Variants in PPP2R1B observed in about 807,000 individuals in gnomAD.
PPP2R1B encodes the protein serine/threonine-protein phosphatase 2A 65 kDa regulatory subunit A beta isoform.
In PPP2R1B, 58 loss-of-function variants were observed where a neutral mutation model predicts 72.7. The ratio of observed to expected loss-of-function variants is 0.80; its 90% CI spans 0.65 to 0.99. PPP2R1B has a LOEUF of 0.99. Among genes scored for constraint, PPP2R1B ranks in the 50% least tolerant of loss-of-function variants. PPP2R1B has a pLI of 0.00. For synonymous variants in PPP2R1B, 256 were observed against 264.6 expected (o/e 0.97, Z 0.32); for missense variants, 695 against 733.6 (o/e 0.95, Z 0.61).
the PPP2R1B span, among the ~76,000 whole-genome samples, chr11:111,714,973 G>A: frequency 1.3e-5 from 2 of 152,220 alleles, no homozygotes; most frequent in Non-Finnish European, 2.9e-5. Context: ...TTGTCTGTGA[G>A]GGCATCAGGC....
chr11:111,705,926 T>C, the PPP2R1B span, among the ~76,000 whole-genome samples: 7 of 152,114 alleles, frequency 4.6e-5, no homozygotes, highest in African/African-American at 1.7e-4. The surrounding 1 kb of genome is among the most constrained non-coding windows in gnomAD (Gnocchi z 4.3). Context: ...TATGGCACTG[T>C]TGGAAGTAGA....
At chr11:111,709,953 G>A in the PPP2R1B span, among the ~76,000 whole-genome samples, 3 of 152,220 alleles carry the variant, frequency 2.0e-5, no homozygotes, top group Non-Finnish European at 4.4e-5. Context: ...GGACGGAGCA[G>A]TGTGTCGTAG....
At chr11:111,688,581 T>A in the PPP2R1B span, among the ~76,000 whole-genome samples, 2 of 152,184 alleles carry the variant, frequency 1.3e-5, no homozygotes, top group Admixed American at 6.5e-5. This position sits in a 1 kb window ranked among gnomAD's most constrained non-coding sequence, Gnocchi z 4.2. Flanking sequence ...GGAGGTAGAA[T>A]GAGAAATAGT....
the PPP2R1B span, among the ~76,000 whole-genome samples, chr11:111,698,524 G>A: frequency 3.5e-4 from 54 of 152,250 alleles, no homozygotes; most frequent in African/African-American, 8.4e-4. Context: ...GGTGGATTGC[G>A]TCAGCCCAGG....
chr11:111,740,672 G>T lies in PPP2R1B; in HGVS notation c.*924C>A. ...ATACTAAAAACTTAGCAATAAAACTGCAGTTTGAAAAGCTACTGTACAATG... is the reference window on the plus strand; with the variant it reads ...ATACTAAAAACTTAGCAATAAAACTTCAGTTTGAAAAGCTACTGTACAATG... On this transcript the variant is annotated 3_prime_UTR_variant, in exon 15 of 15. Transcript: ENST00000527614. The T allele has an allele frequency of 1.0e-6, 1 of 985,256 alleles. No homozygotes were observed. 61.0% of individuals were successfully genotyped at this position (985,256 alleles called of 1,614,324 possible). A position where few individuals can be genotyped will look rare whatever the true frequency, so the allele number is the denominator to read the frequency against.
chr11:111,736,234 T>C (rs1401574450), downstream of PPP2R1B, among the ~76,000 whole-genome samples: 2 of 152,152 alleles, frequency 1.3e-5, no homozygotes, highest in Admixed American at 1.3e-4. Context: ...TTATTCTCAG[T>C]AACTCCTCGG....
downstream of PPP2R1B, chr11:111,723,820 A>G (rs1943879992): frequency 1.9e-6 from 3 of 1,560,922 alleles, no homozygotes; most frequent in East Asian, 2.4e-5. Flanking sequence ...AGCAGCCGCC[A>G]CCGCCACCAC....
At chr11:111,712,578 C>T in the PPP2R1B span, among the ~76,000 whole-genome samples, 3 of 152,170 alleles carry the variant, frequency 2.0e-5, no homozygotes, top group Non-Finnish European at 2.9e-5. Context: ...ATGACCATTA[C>T]GTAATTTGTC....
chr11:111,720,732 C>T, the PPP2R1B span: 1 of 1,605,470 alleles, frequency 6.2e-7, no homozygotes, highest in Non-Finnish European at 8.5e-7. Flanking sequence ...CAGAGAGGGC[C>T]GCAGAGCATC....
rs1210779994 is a variant in PPP2R1B at position 111,738,251 on chromosome 11, G to A, written c.*3345C>T. The A allele has an allele frequency of 3.0e-6, 3 of 985,378 alleles. No homozygotes were observed. The highest frequency in any genetic ancestry group is 3.6e-6 in the Non-Finnish European group (3 of 830,000). The allele number at this position is 985,378 out of a possible 1,614,324, so 61.0% of individuals were successfully genotyped here. A position where few individuals can be genotyped will look rare whatever the true frequency, so the allele number is the denominator to read the frequency against. ...TCTACAGTTTCATATCCAAGCAGTG[G>A]AGAAAAATAAGAAGCTTTACGATAA... On this transcript the variant is annotated 3_prime_UTR_variant, in exon 15 of 15. Transcript: ENST00000527614.
chr11:111,727,018 G>A (rs1943991498), exon 16 of PPP2R1B: 2 of 1,614,062 alleles, frequency 1.2e-6, no homozygotes, highest in Non-Finnish European at 1.7e-6. Flanking sequence ...AGCTGGGCAA[G>A]TGTGTCTCTA....
At chr11:111,755,247 A>G (rs1591700974) in intron 6 of PPP2R1B, 48 bp downstream of exon 6, 1 of 1,563,716 alleles carries the variant, frequency 6.4e-7, no homozygotes, top group Middle Eastern at 1.7e-4. Context: ...CAGCAAATCT[A>G]TGTGTTTTCA....
In PPP2R1B at chr11:111,752,270, G is replaced by A. The variant is rs1295699199; in HGVS notation, c.1227C>T (p.Ile409=). Reference sequence around the variant, plus strand: ...GAAGGAGAGACTGAGAGAGCTGACGGATTCCAATCACTTCATTTACACAAT... The same window carrying A: ...GAAGGAGAGACTGAGAGAGCTGACGAATTCCAATCACTTCATTTACACAAT... ...NLDCVNEVIG[I]RQLSQSLLPA... The change falls in exon 10 of 15, where the codon ATC becomes ATT. Residue 409 remains isoleucine (I), a synonymous_variant. Transcript: ENST00000527614. 6.2e-7 allele frequency: 1 copy of A among 1,614,058 alleles called. No individual in the cohort carries two copies. The highest frequency in any genetic ancestry group is 1.7e-5 in the Admixed American group (1 of 59,988).
At chr11:111,688,275 G>C in the PPP2R1B span, 2 of 1,052,304 alleles carry the variant, frequency 1.9e-6, no homozygotes, top group Non-Finnish European at 2.8e-6. This position sits in a 1 kb window ranked among gnomAD's most constrained non-coding sequence, Gnocchi z 4.2. Flanking sequence ...ATGACATCAG[G>C]CTATCTCAAA....
Position 111,740,029 on chromosome 11 carries a change from A to C in PPP2R1B, c.*1567T>G, listed in dbSNP as rs1435078854. 58 of 983,972 alleles carry C rather than the reference A, an allele frequency of 5.9e-5. No homozygotes were observed. Among genetic ancestry groups the C allele is most frequent in the Non-Finnish European group, 7.0e-5 (58 of 828,712 alleles). 61.0% of individuals were successfully genotyped at this position (983,972 alleles called of 1,614,324 possible). ...TAACAAATATACAAAGTCTTAGAGGAGTCTTTGGGCCTTCACTAAACAGAA... is the reference window on the plus strand; with the variant it reads ...TAACAAATATACAAAGTCTTAGAGGCGTCTTTGGGCCTTCACTAAACAGAA... On this transcript the variant is annotated 3_prime_UTR_variant, in exon 15 of 15. Coordinates refer to ENST00000527614, the MANE Select transcript of PPP2R1B (RefSeq NM_002716.5).
the PPP2R1B span, among the ~76,000 whole-genome samples, chr11:111,720,247 G>A: frequency 6.6e-6 from 1 of 152,176 alleles, no homozygotes; most frequent in Non-Finnish European, 1.5e-5. Context: ...ATTGATCAGG[G>A]ACTCTGGCTC....
In PPP2R1B at chr11:111,764,820, A is replaced by G; in HGVS notation, c.291T>C (p.Phe97=). ...AAATACTCACCAGCAGACAGTGGGC[A>G]AAGTCAGGACCTCCCACTAGGCCAG... The part of the protein sequence containing the change: ...NFTGLVGGPD[F]AHCLLPPLEN... Residue 97 remains phenylalanine, a synonymous_variant, in exon 3 of 15, where the codon TTT becomes TTC. Transcript: ENST00000527614. 6.2e-7 allele frequency: 1 copy of G among 1,614,128 alleles called. No individual in the cohort carries two copies. Among genetic ancestry groups the G allele is most frequent in the Non-Finnish European group, 8.5e-7 (1 of 1,180,030 alleles).
downstream of PPP2R1B, chr11:111,726,706 C>A (rs1017019026): frequency 4.3e-5 from 21 of 492,960 alleles, no homozygotes; most frequent in African/African-American, 3.5e-4. Context: ...CTCTTCATCA[C>A]TACTAACAAA....
At chr11:111,731,081 G>T (rs918580962) in intron 15 of PPP2R1B, among the ~76,000 whole-genome samples, 1 of 152,246 alleles carries the variant, frequency 6.6e-6, no homozygotes, top group Non-Finnish European at 1.5e-5. Flanking sequence ...GATCGCTGAC[G>T]GAAGCACTGC....
Sources: gnomAD v4.1 joint callset for allele counts (sites outside exome capture counted in the v4.1 genomes callset) on GRCh38, gnomAD v4.1.1 for gene constraint, Gnocchi (gnomAD v3.1) non-coding constraint, MANE v1.5 for transcripts, NCBI Gene and HGNC (gene_info 2026-07-23, HGNC 2026-07-21) for gene names.